Variants in MGAT3 observed in about 807,000 individuals in gnomAD.
MGAT3 encodes the protein beta-1,4-mannosyl-glycoprotein 4-beta-N-acetylglucosaminyltransferase.
A neutral mutation model predicts 29.8 loss-of-function variants in MGAT3; 9 were observed. The ratio of observed to expected loss-of-function variants is 0.30; its 90% confidence interval spans 0.18 to 0.53. The LOEUF is 0.53. Among genes scored for constraint, MGAT3 ranks in the 20% least tolerant of loss-of-function variants. The pLI, the probability that MGAT3 is intolerant of heterozygous loss-of-function variation, is 0.96. For synonymous variants in MGAT3, 397 were observed against 348.9 expected (o/e 1.14, Z -1.54); for missense variants, 557 against 769.5 (o/e 0.72, Z 3.27).
At chr22:39,469,728 C>G (rs1352492321) in intron 1 of MGAT3, among the ~76,000 whole-genome samples, 1 of 152,210 alleles carries the variant, frequency 6.6e-6, no homozygotes, top group Non-Finnish European at 1.5e-5. Context: ...TTCCCCGTAC[C>G]CCCGCTCCGC....
At chr22:39,476,009 C>T (rs531504280) in intron 1 of MGAT3, 1 of 152,366 alleles carries the variant, frequency 6.6e-6, no homozygotes, top group African/African-American at 2.4e-5. Context: ...CTGAATGGAC[C>T]AGTGACCAGT....
At chr22:39,470,048 C>G (rs1028897638) in intron 1 of MGAT3, among the ~76,000 whole-genome samples, 1 of 152,266 alleles carries the variant, frequency 6.6e-6, no homozygotes, top group Non-Finnish European at 1.5e-5. Flanking sequence ...CATCCAGCAG[C>G]TGTCCCTGCA....
At chr22:39,458,780 G>A (rs994575693) in intron 1 of MGAT3, among the ~76,000 whole-genome samples, 1 of 152,214 alleles carries the variant, frequency 6.6e-6, no homozygotes, top group Non-Finnish European at 1.5e-5. Flanking sequence ...TCAGAGGTGT[G>A]AGTGTCTGGC....
At chr22:39,461,373 G>T (rs1928493656) in intron 1 of MGAT3, among the ~76,000 whole-genome samples, 1 of 152,128 alleles carries the variant, frequency 6.6e-6, no homozygotes, top group African/African-American at 2.4e-5. Flanking sequence ...CAGCCCTGGG[G>T]TGAGGCTTGA....
chr22:39,464,025 CCCCAA>C (rs1294968026), intron 1 of MGAT3, among the ~76,000 whole-genome samples: 1 of 152,006 alleles, frequency 6.6e-6, no homozygotes, highest in Non-Finnish European at 1.5e-5. Context: ...ATTTCCCAAT[CCCCAA>C]CCCTTGTAAC....
intron 1 of MGAT3, among the ~76,000 whole-genome samples, chr22:39,478,907 G>A (rs1929045209): frequency 6.6e-6 from 1 of 152,234 alleles, no homozygotes; most frequent in Non-Finnish European, 1.5e-5. Context: ...GGGAAAGAAG[G>A]AAATCTGTCC....
At chr22:39,463,894 G>A (rs566100908) in intron 1 of MGAT3, among the ~76,000 whole-genome samples, 6 of 151,882 alleles carry the variant, frequency 4.0e-5, no homozygotes, top group Admixed American at 2.0e-4. Context: ...CAGCCTGAGC[G>A]ACAGAGCAAG....
intron 1 of MGAT3, among the ~76,000 whole-genome samples, chr22:39,484,665 G>A (rs1419696639): frequency 2.0e-5 from 3 of 151,670 alleles, no homozygotes; most frequent in South Asian, 2.1e-4. Flanking sequence ...GAGCCACCAC[G>A]CCTAACCCAA....
At chr22:39,479,159 A>T (rs949406878) in intron 1 of MGAT3, among the ~76,000 whole-genome samples, 1 of 152,204 alleles carries the variant, frequency 6.6e-6, no homozygotes, top group African/African-American at 2.4e-5. Context: ...CAATGTAGGG[A>T]GACCTCCTCT....
chr22:39,465,458 G>A (rs1928615089), intron 1 of MGAT3, among the ~76,000 whole-genome samples: 2 of 152,176 alleles, frequency 1.3e-5, no homozygotes, highest in Admixed American at 6.5e-5. Flanking sequence ...CTCACTGTGG[G>A]CATTCAGTGA....
At position 39,457,716 on chromosome 22, in the gene MGAT3, G is replaced by C. The variant is rs1436179799; in HGVS notation, c.-2+159G>C. Among the ~76,000 whole-genome samples, 8 of 150,316 alleles carry C rather than the reference G, an allele frequency of 5.3e-5. No individual in the cohort carries two copies. The highest frequency in any genetic ancestry group is 7.3e-5 in the African/African-American group (3 of 41,162). ...GCGGGCGCACTGGGGCTGGGGGCCC[G>C]GAGGCCGCGGTGGGGGCGGGATGCC... On this transcript the variant is annotated intron_variant, in intron 1 of 1. Coordinates refer to ENST00000341184, the MANE Select transcript of MGAT3 (RefSeq NM_002409.5). The surrounding 1 kb of genome is among the most constrained non-coding windows in gnomAD (Gnocchi z 6.8).
intron 1 of MGAT3, among the ~76,000 whole-genome samples, chr22:39,473,023 G>A (rs1928854626): frequency 6.6e-6 from 1 of 152,190 alleles, no homozygotes; most frequent in African/African-American, 2.4e-5. Context: ...GCCAGGGCTT[G>A]TCAGTTTGAC....
In MGAT3 at chr22:39,462,368, C is replaced by G. The variant is rs371727617; in HGVS notation, c.-2+4811C>G. 2.0e-5 allele frequency among the ~76,000 whole-genome samples: 3 copies of G among 152,312 alleles called. 1 individual carries two copies. On this transcript the variant is annotated intron_variant, in intron 1 of 1. Coordinates refer to ENST00000341184, the MANE Select transcript of MGAT3 (RefSeq NM_002409.5). ...GCGACACAGGTACTGAGGAGGCCCT[C>G]AGTTAAATGTGCAGATGGATGGATG...
chr22:39,464,930 T>C (rs550074561), intron 1 of MGAT3, among the ~76,000 whole-genome samples: 1 of 151,938 alleles, frequency 6.6e-6, no homozygotes, highest in Admixed American at 6.6e-5. Flanking sequence ...TTTTTTTTCG[T>C]ATTTTTAGTA....
intron 1 of MGAT3, among the ~76,000 whole-genome samples, chr22:39,475,552 C>T (rs1569486): frequency 1.3e-5 from 2 of 152,196 alleles, no homozygotes. Flanking sequence ...GAGCCTCTCT[C>T]AGCCAAGACC....
intron 1 of MGAT3, among the ~76,000 whole-genome samples, chr22:39,467,708 T>G (rs1928691080): frequency 6.7e-6 from 1 of 149,706 alleles, no homozygotes; most frequent in Non-Finnish European, 1.5e-5. Flanking sequence ...TCAGACAGAG[T>G]CTGGATCTGT....
In MGAT3 at chr22:39,488,553, C is replaced by T. The variant is rs753523958; in HGVS notation, c.1206C>T (p.Ile402=). The T allele has an allele frequency of 1.1e-4, 176 of 1,613,356 alleles. 3 individuals carry two copies. In the South Asian group the frequency reaches 1.8e-3, roughly 17 times the overall value. Residue 402 remains isoleucine, a synonymous_variant, in exon 2 of 2, where the codon ATC becomes ATT. Coordinates refer to ENST00000341184, the MANE Select transcript of MGAT3 (RefSeq NM_002409.5). ...AGTATGAGAACCGCACCGGCCACATCCTGGTGCAGTGGTCGCTGGGCAGCC... is the reference window on the plus strand; with the variant it reads ...AGTATGAGAACCGCACCGGCCACATTCTGGTGCAGTGGTCGCTGGGCAGCC... ...FRQYENRTGH[I]LVQWSLGSPL...
chr22:39,478,431 C>T (rs1375330093), intron 1 of MGAT3, among the ~76,000 whole-genome samples: 7 of 152,248 alleles, frequency 4.6e-5, no homozygotes, highest in African/African-American at 1.7e-4. Context: ...AGACGCCAGA[C>T]ATCAGGTGTT....
Position 39,487,508 on chromosome 22 carries a change from C to A in MGAT3, c.161C>A (p.Ala54Asp). The change falls in exon 2 of 2, where the codon GCC becomes GAC. Residue 54 changes from alanine to aspartate, a missense_variant. Physicochemically the swap from Ala to Asp is moderately radical, Grantham distance 126. Coordinates refer to ENST00000341184, the MANE Select transcript of MGAT3 (RefSeq NM_002409.5). This position sits in a 1 kb window ranked among gnomAD's most constrained non-coding sequence, Gnocchi z 5.7. ...NLVSSFFWNN[A>D]PVTPQASPEP... ...GTGTCCAGCTTTTTCTGGAACAATG[C>A]CCCGGTCACGCCCCAGGCCAGCCCC... 3 of 1,613,370 alleles carry A rather than the reference C, an allele frequency of 1.9e-6. No individual in the cohort carries two copies. Among genetic ancestry groups the A allele is most frequent in the Non-Finnish European group, 1.7e-6 (2 of 1,179,984 alleles).
Sources: gnomAD v4.1 joint callset for allele counts (sites outside exome capture counted in the v4.1 genomes callset) on GRCh38, gnomAD v4.1.1 for gene constraint, Gnocchi (gnomAD v3.1) non-coding constraint, MANE v1.5 for transcripts, NCBI Gene and HGNC (gene_info 2026-07-23, HGNC 2026-07-21) for gene names.